The following EBF1 variants were observed in gnomAD, a reference collection of about 807,000 sequenced individuals.
EBF1 encodes the protein EBF transcription factor 1, also known as transcription factor COE1.
EBF1 carries 10 observed loss-of-function variants against 68.4 expected under a neutral mutation model. That is an observed-to-expected ratio of 0.15 (90% CI 0.09 to 0.25). EBF1 has a LOEUF of 0.25. EBF1 is among the 10% of genes least tolerant of loss of function. The pLI is 1.00. For synonymous variants in EBF1, 298 were observed against 299.8 expected (o/e 0.99, Z 0.06); for missense variants, 509 against 794.4 (o/e 0.64, Z 4.32).
chr5:158,848,329 T>C (rs1033693829), intron 6 of EBF1, among the ~76,000 whole-genome samples: 7 of 152,226 alleles, frequency 4.6e-5, no homozygotes, highest in African/African-American at 1.7e-4. Flanking sequence ...ATATTCTTAT[T>C]ATCATCACCA....
At position 158,712,231 on chromosome 5, in the gene EBF1, T is replaced by C; in HGVS notation, c.1472A>G (p.Tyr491Cys). ...YNSVTTSMNG[Y>C]GSAAMSNLGG... ...CAAATTGGACATTGCGGCAGAGCCG[T>C]ATCCGTTCATGCTCGTGGTGACGGA... Residue 491 changes from tyrosine to cysteine, a missense_variant, in exon 14 of 16, where the codon TAC becomes TGC. Physicochemically the swap from Tyr to Cys is radical, Grantham distance 194 (BLOSUM62 -2). Coordinates refer to ENST00000313708, the MANE Select transcript of EBF1 (RefSeq NM_024007.5). The C allele has an allele frequency of 6.2e-7, 1 of 1,613,928 alleles. No individual in the cohort carries two copies. Among genetic ancestry groups the C allele is most frequent in the Non-Finnish European group, 8.5e-7 (1 of 1,179,928 alleles).
chr5:158,815,311 A>C (rs1783494766), intron 8 of EBF1, among the ~76,000 whole-genome samples: 2 of 152,196 alleles, frequency 1.3e-5, no homozygotes, highest in Non-Finnish European at 2.9e-5. Flanking sequence ...AGGCAGACCT[A>C]AGGTCAAATT....
chr5:159,031,809 C>T (rs2127746221), intron 6 of EBF1, among the ~76,000 whole-genome samples: 1 of 152,258 alleles, frequency 6.6e-6, no homozygotes, highest in East Asian at 1.9e-4. Context: ...CACACAGGCC[C>T]TAAATCTAAC....
At chr5:158,982,396 A>G (rs1469787466) in intron 6 of EBF1, among the ~76,000 whole-genome samples, 1 of 152,198 alleles carries the variant, frequency 6.6e-6, no homozygotes, top group African/African-American at 2.4e-5. Flanking sequence ...TCAAGTTAAC[A>G]GTCATTTATT....
intron 4 of EBF1, among the ~76,000 whole-genome samples, chr5:159,086,036 A>G (rs1780584956): frequency 6.6e-6 from 1 of 152,160 alleles, no homozygotes; most frequent in African/African-American, 2.4e-5. Flanking sequence ...TGGCCCATCG[A>G]AACCACTTTT....
intron 7 of EBF1, among the ~76,000 whole-genome samples, chr5:158,834,024 T>G (rs527824428): frequency 1.1e-4 from 17 of 152,334 alleles, no homozygotes; most frequent in Admixed American, 2.0e-4. Flanking sequence ...GAATATAGAT[T>G]TATAGCCAAT....
chr5:158,725,963 GTGT>G (rs1302655924), intron 11 of EBF1, among the ~76,000 whole-genome samples: 1 of 152,158 alleles, frequency 6.6e-6, no homozygotes, highest in Non-Finnish European at 1.5e-5. Context: ...TCTTTTAAAT[GTGT>G]TGTTCTTAAA....
intron 8 of EBF1, among the ~76,000 whole-genome samples, chr5:158,815,449 T>G (rs903561689): frequency 2.0e-5 from 3 of 152,134 alleles, no homozygotes; most frequent in African/African-American, 7.2e-5. Context: ...GAAGACTTGA[T>G]GAGATGATAA....
At chr5:158,923,711 G>A (rs1184485372) in intron 6 of EBF1, among the ~76,000 whole-genome samples, 1 of 152,036 alleles carries the variant, frequency 6.6e-6, no homozygotes, top group Non-Finnish European at 1.5e-5. Context: ...GCCTCTTCTG[G>A]GTCTCAAATT....
chr5:158,748,255 C>T (rs548285379), intron 10 of EBF1, among the ~76,000 whole-genome samples: 1 of 152,264 alleles, frequency 6.6e-6, no homozygotes, highest in African/African-American at 2.4e-5. Flanking sequence ...CCACAAAAAA[C>T]ATGGGAAATG....
chr5:158,983,793 A>G (rs1256278106), intron 6 of EBF1: 2 of 152,296 alleles, frequency 1.3e-5, no homozygotes, highest in East Asian at 3.9e-4. Flanking sequence ...AATGTGCTCA[A>G]CCAAAATCTA....
chr5:158,864,034 C>T (rs142555218), intron 6 of EBF1, among the ~76,000 whole-genome samples: 46 of 151,840 alleles, frequency 3.0e-4, no homozygotes, highest in African/African-American at 8.7e-4. Flanking sequence ...GAGTTTGAGA[C>T]CAGCCTGGCC....
At chr5:158,922,007 G>A (rs924057986) in intron 6 of EBF1, among the ~76,000 whole-genome samples, 3 of 152,176 alleles carry the variant, frequency 2.0e-5, no homozygotes, top group Non-Finnish European at 2.9e-5. Context: ...GACAGACAGC[G>A]AAAACTCCTG....
At chr5:158,781,488 T>C (rs1776442987) in intron 9 of EBF1, among the ~76,000 whole-genome samples, 1 of 152,168 alleles carries the variant, frequency 6.6e-6, no homozygotes, top group Non-Finnish European at 1.5e-5. Flanking sequence ...CAAATTTTAT[T>C]AGCAACAGAG....
chr5:158,821,854 G>C (rs1421499195), intron 8 of EBF1, among the ~76,000 whole-genome samples: 4 of 152,216 alleles, frequency 2.6e-5, no homozygotes, highest in Non-Finnish European at 5.9e-5. Context: ...AGCAGCTTTT[G>C]AAAGATGATG....
At chr5:158,815,565 A>G (rs1390038254) in intron 8 of EBF1, among the ~76,000 whole-genome samples, 1 of 152,176 alleles carries the variant, frequency 6.6e-6, no homozygotes, top group Non-Finnish European at 1.5e-5. Flanking sequence ...AGTAATAAAT[A>G]TTATTACCTG....
intron 6 of EBF1, among the ~76,000 whole-genome samples, chr5:158,853,052 C>T (rs1285917249): frequency 1.3e-5 from 2 of 152,196 alleles, no homozygotes; most frequent in East Asian, 3.8e-4. Context: ...ATCACCCCAA[C>T]ATTGTATGCA....
At chr5:158,988,038 A>T (rs1485104671) in intron 6 of EBF1, among the ~76,000 whole-genome samples, 4 of 152,170 alleles carry the variant, frequency 2.6e-5, no homozygotes, top group Admixed American at 6.5e-5. Flanking sequence ...TAACACAGAC[A>T]ACTGGAATAT....
At chr5:158,774,311 C>T (rs937947559) in intron 10 of EBF1, among the ~76,000 whole-genome samples, 7 of 151,992 alleles carry the variant, frequency 4.6e-5, no homozygotes, top group Admixed American at 2.0e-4. Context: ...AAAGGTCTGC[C>T]TTTATTAGTA....
Sources: allele counts gnomAD v4.1 joint callset (sites outside exome capture counted in the v4.1 genomes callset), GRCh38; gene constraint gnomAD v4.1.1; transcripts MANE v1.5; gene names NCBI Gene and HGNC (gene_info 2026-07-23, HGNC 2026-07-21).